Variants in AP1S3 observed in about 807,000 individuals in gnomAD.
AP1S3 encodes the protein adaptor related protein complex 1 subunit sigma 3, also known as AP-1 complex subunit sigma-3.
AP1S3 carries 10 observed loss-of-function variants against 20.9 expected under a neutral mutation model. The ratio of observed to expected loss-of-function variants is 0.48; its 90% CI spans 0.29 to 0.81. AP1S3 has a LOEUF of 0.81. AP1S3 is among the 30% of genes least tolerant of loss of function. The pLI, the probability that AP1S3 is intolerant of heterozygous loss-of-function variation, is 0.08. For synonymous variants in AP1S3, 41 were observed against 61.5 expected, an observed-to-expected ratio of 0.67 and a Z score of 1.56; for missense variants, 154 against 183.8, an observed-to-expected ratio of 0.84 and a Z score of 0.94.
chr2:223,786,385 C>T (rs1053506842), intron 1 of AP1S3, among the ~76,000 whole-genome samples: 4 of 152,122 alleles, frequency 2.6e-5, no homozygotes, highest in African/African-American at 9.7e-5. Flanking sequence ...GTTTCATTCA[C>T]ATTAACTAGA....
intron 1 of AP1S3, among the ~76,000 whole-genome samples, chr2:223,797,426 A>T (rs906915508): frequency 6.6e-6 from 1 of 152,168 alleles, no homozygotes; most frequent in African/African-American, 2.4e-5. Flanking sequence ...CTGGATGATT[A>T]GGTGAAATAT....
chr2:223,785,292 A>G (rs562194635), intron 1 of AP1S3, among the ~76,000 whole-genome samples: 1 of 152,322 alleles, frequency 6.6e-6, no homozygotes, highest in African/African-American at 2.4e-5. Flanking sequence ...CAGTGAGCCA[A>G]GATCACACCA....
chr2:223,774,900 C>A (rs11677561), intron 3 of AP1S3, among the ~76,000 whole-genome samples: 98,718 of 151,602 alleles, frequency 0.65, 32,866 homozygotes, highest in East Asian at 0.81. Flanking sequence ...AGAAGAGTCA[C>A]TTAGTAAGGG....
chr2:223,757,005 T>C lies in AP1S3; in HGVS notation c.*1710A>G, dbSNP rs1574678995. 1.3e-5 allele frequency: 13 copies of C among 976,524 alleles called. No homozygotes were observed. In the South Asian group the frequency reaches 2.4e-4, roughly 18 times the overall value. 60.5% of individuals were successfully genotyped at this position (976,524 alleles called of 1,614,324 possible). ...TACTTTTTCTTTTTTTTTTTTTTTT[T>C]CTTGAGACGCAGTCTTGCTCTGTCA... On this transcript the variant is annotated 3_prime_UTR_variant, in exon 5 of 5. Coordinates refer to ENST00000396654, the MANE Select transcript of AP1S3 (RefSeq NM_001039569.2).
intron 1 of AP1S3, among the ~76,000 whole-genome samples, chr2:223,785,860 T>C (rs1404277848): frequency 2.0e-5 from 3 of 152,194 alleles, no homozygotes; most frequent in African/African-American, 7.2e-5. Context: ...TCCAAACTGA[T>C]AGAATGTCCA....
intron 1 of AP1S3, among the ~76,000 whole-genome samples, chr2:223,804,398 G>A (rs1159446749): frequency 6.6e-6 from 1 of 152,146 alleles, no homozygotes; most frequent in Non-Finnish European, 1.5e-5. Flanking sequence ...ATGACAGGAA[G>A]ATAGAAAAGA....
In AP1S3 at chr2:223,795,592, GGGGCC is replaced by G. The variant is rs1329779517; in HGVS notation, c.4-17728_4-17724del. Among the ~76,000 whole-genome samples, 24 of 22,790 alleles carry G rather than the reference GGGGCC, an allele frequency of 1.1e-3. No homozygotes were observed. In the East Asian group the frequency reaches 0.17, roughly 165 times the overall value. The allele number at this position is 22,790 out of a possible 152,430, so 15.0% of individuals were successfully genotyped here. On this transcript the variant is annotated intron_variant, in intron 1 of 4. Coordinates refer to ENST00000396654, the MANE Select transcript of AP1S3 (RefSeq NM_001039569.2). ...GCATTTATCACTAGGCCAGGCAGAA[GGGGCC>G]AGGAGGCGCCAGGAGGCAGTGGAAT...
At chr2:223,777,149 A>T (rs777928157) in intron 2 of AP1S3, among the ~76,000 whole-genome samples, 1 of 152,150 alleles carries the variant, frequency 6.6e-6, no homozygotes, top group Non-Finnish European at 1.5e-5. Context: ...TAATCCCAGC[A>T]CTTTGGGAGG....
chr2:223,834,151 G>A (rs894170187), intron 1 of AP1S3, among the ~76,000 whole-genome samples: 4 of 151,864 alleles, frequency 2.6e-5, no homozygotes, highest in African/African-American at 4.8e-5. Context: ...CAGGTGATCC[G>A]CCTGCCAATC....
intron 1 of AP1S3, among the ~76,000 whole-genome samples, chr2:223,826,435 A>T (rs1692130026): frequency 6.6e-6 from 1 of 152,106 alleles, no homozygotes; most frequent in Non-Finnish European, 1.5e-5. Context: ...TCTACTAAAA[A>T]TACAAAAATT....
At chr2:223,774,501 G>A (rs1036579445) in intron 3 of AP1S3, among the ~76,000 whole-genome samples, 1 of 152,080 alleles carries the variant, frequency 6.6e-6, no homozygotes, top group Non-Finnish European at 1.5e-5. Flanking sequence ...TTTATTTATT[G>A]TACATGATGG....
intron 1 of AP1S3, among the ~76,000 whole-genome samples, chr2:223,790,258 G>A (rs1339582952): frequency 8.3e-5 from 12 of 144,700 alleles, no homozygotes; most frequent in South Asian, 2.2e-4. Context: ...TTGAGAAAGA[G>A]TCTTGCTCTG....
intron 1 of AP1S3, among the ~76,000 whole-genome samples, chr2:223,822,558 C>T (rs1692014831): frequency 6.6e-6 from 1 of 152,002 alleles, no homozygotes; most frequent in Non-Finnish European, 1.5e-5. Context: ...GTGGTGCATT[C>T]CTGTAATCCC....
At chr2:223,836,491 A>G (rs1692397081) in intron 1 of AP1S3, among the ~76,000 whole-genome samples, 1 of 151,996 alleles carries the variant, frequency 6.6e-6, no homozygotes, top group Non-Finnish European at 1.5e-5. Context: ...TGTAATCCCT[A>G]CACTTTGGGA....
intron 4 of AP1S3, among the ~76,000 whole-genome samples, chr2:223,761,189 C>G (rs1479794357): frequency 6.6e-6 from 1 of 152,228 alleles, no homozygotes; most frequent in Non-Finnish European, 1.5e-5. Context: ...CTTACCTTCT[C>G]AAGACAGGAG....
chr2:223,781,023 G>A (rs558808093), intron 1 of AP1S3, among the ~76,000 whole-genome samples: 1 of 151,760 alleles, frequency 6.6e-6, no homozygotes, highest in East Asian at 2.0e-4. Context: ...GCTCCCGCTT[G>A]TGAGAACATG....
At chr2:223,789,009 C>G (rs1218244789) in intron 1 of AP1S3, among the ~76,000 whole-genome samples, 1 of 152,118 alleles carries the variant, frequency 6.6e-6, no homozygotes, top group East Asian at 1.9e-4. Flanking sequence ...TCCAGTCAAC[C>G]TGTCTATGCC....
At chr2:223,796,854 G>T (rs1319823245) in intron 1 of AP1S3, among the ~76,000 whole-genome samples, 1 of 152,152 alleles carries the variant, frequency 6.6e-6, no homozygotes, top group African/African-American at 2.4e-5. Context: ...AGTAGAAACT[G>T]GGCTTCACCA....
chr2:223,796,913 C>T (rs1691350998), intron 1 of AP1S3, among the ~76,000 whole-genome samples: 1 of 152,198 alleles, frequency 6.6e-6, no homozygotes, highest in Non-Finnish European at 1.5e-5. Context: ...ATCCACCGAC[C>T]TCGGCCTCCC....
Sources: allele counts gnomAD v4.1 joint callset (sites outside exome capture counted in the v4.1 genomes callset), GRCh38; gene constraint gnomAD v4.1.1; transcripts MANE v1.5; gene names NCBI Gene and HGNC (gene_info 2026-07-23, HGNC 2026-07-21).